BTBD8: variants seen among roughly 807,000 people sequenced by gnomAD.
BTBD8 encodes the protein BTB/POZ domain-containing protein 8.
Under a neutral mutation model 162.9 loss-of-function variants are expected in BTBD8, and 110 were observed. That is an observed-to-expected ratio of 0.68 (90% CI 0.58 to 0.79). BTBD8 has a LOEUF of 0.79. Ranked by LOEUF, BTBD8 falls within the 30% of genes least tolerant of loss-of-function variation. The pLI is 0.00. For missense variants in BTBD8, 1,905 were observed against 2,085.4 expected (o/e 0.91, Z 1.68); for synonymous variants, 667 against 716.1 (o/e 0.93, Z 1.10).
chr1:92,182,090 T>C lies in BTBD8; in HGVS notation c.4407T>C (p.Ser1469=), dbSNP rs1309767180. The change falls in exon 17 of 18, where the codon TCT becomes TCC. Residue 1469 remains serine (S), a synonymous_variant. Coordinates refer to ENST00000636805, the MANE Select transcript of BTBD8 (RefSeq NM_001376131.1). ...CTTCTGTAGATTCTTTTTCACCTTC[T>C]GATGTTTTTGATGGCATTTCTCATG... ...FQASVDSFSP[S]DVFDGISHEH... 1 of 1,551,636 alleles carries C rather than the reference T, an allele frequency of 6.4e-7. No homozygotes were observed. The highest frequency in any genetic ancestry group is 1.2e-5 in the South Asian group (1 of 84,056).
intron 4 of BTBD8, among the ~76,000 whole-genome samples, chr1:92,128,179 C>T (rs972686706): frequency 5.9e-5 from 9 of 151,600 alleles, no homozygotes; most frequent in Admixed American, 1.3e-4. Context: ...TGCGGTGGTG[C>T]GATCTCGGCT....
chr1:92,121,009 C>T (rs189350784), intron 4 of BTBD8, among the ~76,000 whole-genome samples: 8 of 152,248 alleles, frequency 5.3e-5, no homozygotes, highest in Admixed American at 2.6e-4. Flanking sequence ...GTGATCTGCC[C>T]GCCTCAGCCT....
At chr1:92,083,163 C>G (rs1165159552) in intron 1 of BTBD8, among the ~76,000 whole-genome samples, 1 of 151,254 alleles carries the variant, frequency 6.6e-6, no homozygotes, top group East Asian at 1.9e-4. Flanking sequence ...GTGGTGGAGT[C>G]AGAATAAGAA....
intron 10 of BTBD8, 56 bp downstream of exon 10, chr1:92,167,196 A>C (rs763441265): frequency 1.4e-5 from 22 of 1,530,860 alleles, no homozygotes; most frequent in Non-Finnish European, 1.9e-5. Flanking sequence ...TCTGATTTCA[A>C]TTATGTAAGA....
At chr1:92,109,173 A>G (rs898343443) in intron 4 of BTBD8, among the ~76,000 whole-genome samples, 3 of 151,712 alleles carry the variant, frequency 2.0e-5, no homozygotes, top group African/African-American at 7.3e-5. Flanking sequence ...ATGTAGATTG[A>G]ACATTATATT....
intron 9 of BTBD8, among the ~76,000 whole-genome samples, chr1:92,151,317 C>G (rs772411758): frequency 8.6e-5 from 13 of 150,578 alleles, no homozygotes; most frequent in Non-Finnish European, 1.5e-4. Context: ...TTGTGCCATT[C>G]CACCTCAGCC....
rs919608790 is a variant in BTBD8, at chr1:92,126,588, A to G, written c.663-3099A>G. ...GCATCACAGCTTCTTGTCTGTTTAT[A>G]TATTAAAAGTTGCACTTATTGTACG... On this transcript the variant is annotated intron_variant, in intron 4 of 17. Coordinates refer to ENST00000636805, the MANE Select transcript of BTBD8 (RefSeq NM_001376131.1). 4.3e-5 allele frequency: 17 copies of G among 394,052 alleles called. No individual in the cohort carries two copies. In the Admixed American group the frequency reaches 5.4e-4, roughly 12 times the overall value. The allele number at this position is 394,052 out of a possible 1,614,324, so 24.4% of individuals were successfully genotyped here. A position where few individuals can be genotyped will look rare whatever the true frequency, so the allele number is the denominator to read the frequency against.
At chr1:92,163,604 G>A (rs1195003639) in intron 9 of BTBD8, among the ~76,000 whole-genome samples, 3 of 151,702 alleles carry the variant, frequency 2.0e-5, no homozygotes, top group Non-Finnish European at 4.4e-5. Flanking sequence ...CAATAGCAAG[G>A]TTTATTGTTT....
chr1:92,119,842 C>T (rs529910603), intron 4 of BTBD8, among the ~76,000 whole-genome samples: 2 of 142,954 alleles, frequency 1.4e-5, no homozygotes, highest in South Asian at 4.4e-4. Context: ...TTCCCGACTT[C>T]ATGATCTGCC....
chr1:92,102,478 T>C lies in BTBD8; in HGVS notation c.353T>C (p.Ile118Thr). 2.7e-6 allele frequency: 4 copies of C among 1,487,286 alleles called. No individual in the cohort carries two copies. Among genetic ancestry groups the C allele is most frequent in the Non-Finnish European group, 3.6e-6 (4 of 1,109,446 alleles). The allele number at this position is 1,487,286 out of a possible 1,614,324, so 92.1% of individuals were successfully genotyped here. ...ALEFRTFLQIIYSSNRNIKNY... is the reference protein window; with the variant it reads ...ALEFRTFLQITYSSNRNIKNY... ...TTTTATATTTTGTCTTTTAGGATTA[T>C]ATATTCATCAAACAGAAACATAAAA... Residue 118 changes from isoleucine (I) to threonine (T), a missense_variant, in exon 3 of 18, where the codon ATA (isoleucine) becomes ACA (threonine). Transcript: ENST00000636805.
intron 4 of BTBD8, among the ~76,000 whole-genome samples, chr1:92,109,629 T>A (rs2101909100): frequency 6.6e-6 from 1 of 152,338 alleles, no homozygotes; most frequent in Non-Finnish European, 1.5e-5. Context: ...CTTGCCCTTA[T>A]GTAAGTTAGA....
chr1:92,165,827 C>T (rs1650371730), intron 9 of BTBD8, among the ~76,000 whole-genome samples: 1 of 152,130 alleles, frequency 6.6e-6, no homozygotes, highest in Non-Finnish European at 1.5e-5. Flanking sequence ...AGAACTTGCA[C>T]ATCACCACTG....
At chr1:92,183,827 C>G in intron 17 of BTBD8, 37 bp from the exon 18 acceptor site, 1 of 1,432,800 alleles carries the variant, frequency 7.0e-7, no homozygotes, top group Non-Finnish European at 9.4e-7. Context: ...TACCAACGTG[C>G]AATTTTTACA....
At chr1:92,149,670 G>A (rs559253504) in intron 9 of BTBD8, among the ~76,000 whole-genome samples, 272 of 152,270 alleles carry the variant, frequency 1.8e-3, no homozygotes, top group African/African-American at 5.9e-3. Context: ...ACACTAGGAA[G>A]GCTGGAACAC....
intron 4 of BTBD8, among the ~76,000 whole-genome samples, chr1:92,128,171 C>T (rs10875213): frequency 0.26 from 39,315 of 151,696 alleles, 5,574 homozygotes; most frequent in South Asian, 0.34. Context: ...GGCTGGAGTG[C>T]GGTGGTGCGA....
At chr1:92,120,388 C>G (rs188679023) in intron 4 of BTBD8, among the ~76,000 whole-genome samples, 1 of 152,112 alleles carries the variant, frequency 6.6e-6, no homozygotes, top group South Asian at 2.1e-4. Context: ...TCCTAACATG[C>G]CTTCTTCTGG....
chr1:92,118,804 T>TTTTTTC (rs1553122683), intron 4 of BTBD8, among the ~76,000 whole-genome samples: 1 of 19,210 alleles, frequency 5.2e-5, no homozygotes, highest in African/African-American at 6.2e-4. Context: ...TCTTTCTTTC[T>TTTTTTC]TTTTTTTTTT....
intron 7 of BTBD8, among the ~76,000 whole-genome samples, chr1:92,142,495 A>T (rs1247181912): frequency 6.6e-6 from 1 of 152,202 alleles, no homozygotes. Flanking sequence ...GTGAGAATAT[A>T]CTTGAGTGAG....
In BTBD8 at chr1:92,180,826, G is replaced by A; in HGVS notation, c.3143G>A (p.Cys1048Tyr). Reference sequence around the variant, plus strand: ...CACGAACTGGAATCAAAACAGATTTGTTTAGATAAAAGTGAAACAAAATTT... The same window carrying A: ...CACGAACTGGAATCAAAACAGATTTATTTAGATAAAAGTGAAACAAAATTT... ...LKHELESKQI[C>Y]LDKSETKFPN... Residue 1048 changes from cysteine (C) to tyrosine (Y), a missense_variant, in exon 17 of 18, where the codon TGT becomes TAT. By Grantham distance (194) the Cys-to-Tyr change is radical. This residue lies in a region of BTBD8 where 1,374 missense variants were observed against 1,442.7 expected (regional missense o/e 0.95). Coordinates refer to ENST00000636805, the MANE Select transcript of BTBD8 (RefSeq NM_001376131.1). 6.4e-7 allele frequency: 1 copy of A among 1,551,490 alleles called. No homozygotes were observed. The highest frequency in any genetic ancestry group is 1.2e-5 in the South Asian group (1 of 84,006).
Sources: gnomAD v4.1 joint callset for allele counts (sites outside exome capture counted in the v4.1 genomes callset) on GRCh38, gnomAD v4.1.1 for gene constraint, gnomAD v4.1.1 regional missense constraint, MANE v1.5 for transcripts, NCBI Gene and HGNC (gene_info 2026-07-23, HGNC 2026-07-21) for gene names.